Variants in ADRA1A observed in about 807,000 individuals in gnomAD.
The protein encoded by ADRA1A is adrenoceptor alpha 1A, also known as alpha-1A adrenergic receptor.
A neutral mutation model predicts 29.6 loss-of-function variants in ADRA1A; 31 were observed. The observed-to-expected ratio is 1.05, with a 90% CI of 0.79 to 1.41. ADRA1A has a LOEUF of 1.41. ADRA1A is among the 40% of genes most tolerant of loss of function. ADRA1A has a pLI of 0.00. For synonymous variants in ADRA1A, 311 were observed against 254.3 expected, an observed-to-expected ratio of 1.22 and a Z score of -2.12; for missense variants, 619 against 601.1, an observed-to-expected ratio of 1.03 and a Z score of -0.31.
intron 2 of ADRA1A, among the ~76,000 whole-genome samples, chr8:26,845,908 G>A (rs577105739): frequency 3.3e-5 from 5 of 152,234 alleles, no homozygotes; most frequent in Admixed American, 2.6e-4. Flanking sequence ...TGGCTGCCAG[G>A]CACTTGGGGA....
Position 26,815,922 on chromosome 8 carries a change from C to A in ADRA1A, c.884-45256G>T, listed in dbSNP as rs1363834304. Among the ~76,000 whole-genome samples, 1 of 152,064 alleles carries A rather than the reference C, an allele frequency of 6.6e-6. No homozygotes were observed. On this transcript the variant is annotated intron_variant, in intron 2 of 2. Coordinates refer to ENST00000380573, the MANE Select transcript of ADRA1A (RefSeq NM_000680.4). The surrounding 1 kb of genome is among the most constrained non-coding windows in gnomAD (Gnocchi z 4.2). ...GAGAGAAAAGGGAAATGAGACAGGGCAGGATGAGAAGCAAGGGAGGGGGCG... is the reference window on the plus strand; with the variant it reads ...GAGAGAAAAGGGAAATGAGACAGGGAAGGATGAGAAGCAAGGGAGGGGGCG...
At chr8:26,749,670 T>C (rs941976763) in intron 2 of ADRA1A, among the ~76,000 whole-genome samples, 3 of 152,260 alleles carry the variant, frequency 2.0e-5, no homozygotes, top group African/African-American at 7.2e-5. Context: ...TTTCTCTTTG[T>C]ATTTGCTCCT....
chr8:26,770,731 A>G (rs975894657), intron 2 of ADRA1A, 65 bp from the exon 3 acceptor site: 2 of 1,515,348 alleles, frequency 1.3e-6, no homozygotes, highest in Admixed American at 4.3e-5. Context: ...GGCTAGGAAA[A>G]CAATCAAACA....
chr8:26,837,910 A>T (rs925998911), intron 2 of ADRA1A, among the ~76,000 whole-genome samples: 9 of 152,198 alleles, frequency 5.9e-5, no homozygotes, highest in Admixed American at 5.9e-4. Context: ...ACATTACTTT[A>T]GTCTCTACCA....
rs1184401594 is a variant in ADRA1A at position 26,768,957 on chromosome 8, TG to T, written c.*1191del. The stretch of plus-strand genomic sequence containing the variant: ...GAACAAATGGCCTTCTATCAAAAAA[TG>T]TTTGCAAACTCCTGCGTTAGACAGT... On this transcript the variant is annotated 3_prime_UTR_variant, in exon 3 of 3. Coordinates refer to ENST00000380573, the MANE Select transcript of ADRA1A (RefSeq NM_000680.4). The T allele has an allele frequency of 6.1e-6, 6 of 985,336 alleles. No homozygotes were observed. In the African/African-American group the frequency reaches 1.0e-4, roughly 17 times the overall value. The allele number at this position is 985,336 out of a possible 1,614,324, so 61.0% of individuals were successfully genotyped here. A position where few individuals can be genotyped will look rare whatever the true frequency, so the allele number is the denominator to read the frequency against.
chr8:26,787,878 G>A lies in ADRA1A; in HGVS notation c.884-17212C>T, dbSNP rs1289272399. Among the ~76,000 whole-genome samples the A allele has an allele frequency of 1.3e-5, 2 of 151,676 alleles. No homozygotes were observed. The highest frequency in any genetic ancestry group is 2.9e-5 in the Non-Finnish European group (2 of 67,996). On this transcript the variant is annotated intron_variant, in intron 2 of 2. Coordinates refer to ENST00000380573, the MANE Select transcript of ADRA1A (RefSeq NM_000680.4). This position sits in a 1 kb window ranked among gnomAD's most constrained non-coding sequence, Gnocchi z 4.2. Reference sequence around the variant, plus strand: ...TAGCAGCTCTGCATCTACTTTCAGGGTATCTTCTCAGTCATTAGTGCTATC... The same window carrying A: ...TAGCAGCTCTGCATCTACTTTCAGGATATCTTCTCAGTCATTAGTGCTATC...
rs1201332911 is a variant in ADRA1A at position 26,775,359 on chromosome 8, C to T, written c.884-4693G>A. On this transcript the variant is annotated intron_variant, in intron 2 of 2. Transcript: ENST00000380573. The surrounding 1 kb of genome is among the most constrained non-coding windows in gnomAD (Gnocchi z 4.1). ...GCTGTCTCATTCTTCTTTTTTTTGC[C>T]CACCATTTCAGTTCAGTCATTTGGT... Among the ~76,000 whole-genome samples the T allele has an allele frequency of 6.6e-6, 1 of 152,002 alleles. No individual in the cohort carries two copies. The highest frequency in any genetic ancestry group is 1.5e-5 in the Non-Finnish European group (1 of 68,000).
chr8:26,837,503 T>C (rs1345943037), intron 2 of ADRA1A, among the ~76,000 whole-genome samples: 1 of 152,070 alleles, frequency 6.6e-6, no homozygotes, highest in Non-Finnish European at 1.5e-5. Flanking sequence ...ACACAAAAAT[T>C]AGCCAGGTAT....
At chr8:26,859,557 G>A (rs1813294657) in intron 2 of ADRA1A, among the ~76,000 whole-genome samples, 1 of 152,130 alleles carries the variant, frequency 6.6e-6, no homozygotes, top group South Asian at 2.1e-4. Flanking sequence ...AGGGCACTGT[G>A]TTTTATTCAT....
At chr8:26,795,293 G>A (rs971826114) in intron 2 of ADRA1A, among the ~76,000 whole-genome samples, 4 of 152,034 alleles carry the variant, frequency 2.6e-5, no homozygotes, top group South Asian at 4.1e-4. Flanking sequence ...TGTGAGACTC[G>A]ATAAGCATTC....
chr8:26,765,960 C>CTTGTGAAAAGAAA (rs3839867), downstream of ADRA1A: 726,119 of 1,550,278 alleles, frequency 0.47, 179,343 homozygotes, highest in East Asian at 0.89. Context: ...CCAGTTTTCA[C>CTTGTGAAAAGAAA]TTAGGAACAA....
chr8:26,766,034 C>T (rs1805759430), downstream of ADRA1A: 5 of 1,613,258 alleles, frequency 3.1e-6, no homozygotes, highest in Middle Eastern at 1.6e-4. Context: ...CTGCCTAGGT[C>T]TCCAGCTACC....
rs763055494 is a variant in ADRA1A, at chr8:26,864,315, T to G, written c.655A>C (p.Lys219Gln). The change falls in exon 2 of 3, where the codon AAG becomes CAG. Residue 219 changes from lysine to glutamine, a missense_variant. Physicochemically the swap from Lys to Gln is moderately conservative, Grantham distance 53. Coordinates refer to ENST00000380573, the MANE Select transcript of ADRA1A (RefSeq NM_000680.4). This position sits in a 1 kb window ranked among gnomAD's most constrained non-coding sequence, Gnocchi z 8.1. ...VVAKRESRGL[K>Q]SGLKTDKSDS... ...GACTTGTCGGTCTTGAGGCCAGACTTGAGGCCCCGGCTCTCCCTCTTGGCC... is the reference window on the plus strand; with the variant it reads ...GACTTGTCGGTCTTGAGGCCAGACTGGAGGCCCCGGCTCTCCCTCTTGGCC... 5.6e-6 allele frequency: 9 copies of G among 1,613,956 alleles called. No homozygotes were observed. The highest frequency in any genetic ancestry group is 7.6e-6 in the Non-Finnish European group (9 of 1,180,006).
downstream of ADRA1A, among the ~76,000 whole-genome samples, chr8:26,764,946 G>A (rs1034767621): frequency 6.6e-6 from 1 of 152,200 alleles, no homozygotes. Flanking sequence ...AGTTTATAAC[G>A]TGGCTGCACT....
Position 26,805,973 on chromosome 8 carries a change from C to T in ADRA1A, c.884-35307G>A, listed in dbSNP as rs1248434743. 1.3e-5 allele frequency among the ~76,000 whole-genome samples: 2 copies of T among 152,196 alleles called. No homozygotes were observed. The highest frequency in any genetic ancestry group is 2.9e-5 in the Non-Finnish European group (2 of 68,040). On this transcript the variant is annotated intron_variant, in intron 2 of 2. Coordinates refer to ENST00000380573, the MANE Select transcript of ADRA1A (RefSeq NM_000680.4). This position sits in a 1 kb window ranked among gnomAD's most constrained non-coding sequence, Gnocchi z 4.8. ...GGTGCAGGCCCCCTCCACACCCACT[C>T]TGGAAAGCTGAGGGTTGTGGCTGGT...
At position 26,770,206 on chromosome 8, in the gene ADRA1A, T is replaced by A. The variant is rs771818468; in HGVS notation, c.1344A>T (p.Gln448His). Residue 448 changes from glutamine (Q) to histidine (H), a missense_variant, in exon 3 of 3, where the codon CAA becomes CAT. Physicochemically the swap from Gln to His is conservative, Grantham distance 24. Coordinates refer to ENST00000380573, the MANE Select transcript of ADRA1A (RefSeq NM_000680.4). ...PSTPSLDKNH[Q>H]VPTIKVHTIS... ...TGGTGTGGACCTTAATGGTTGGAAC[T>A]TGATGGTTCTTGTCAAGGCTGGGGG... 9.4e-6 allele frequency: 15 copies of A among 1,600,884 alleles called. No individual in the cohort carries two copies. Among genetic ancestry groups the A allele is most frequent in the Non-Finnish European group, 1.3e-5 (15 of 1,172,890 alleles).
chr8:26,778,311 A>G (rs1005421910), intron 2 of ADRA1A, among the ~76,000 whole-genome samples: 5 of 152,138 alleles, frequency 3.3e-5, no homozygotes, highest in African/African-American at 9.7e-5. Flanking sequence ...TTGATTTGAA[A>G]CACTCTCAGA....
chr8:26,822,370 T>A (rs759923800), intron 2 of ADRA1A, among the ~76,000 whole-genome samples: 3 of 152,222 alleles, frequency 2.0e-5, no homozygotes. Context: ...TACAAACAAG[T>A]TCTTAGCATG....
chr8:26,786,237 T>G (rs934413742), intron 2 of ADRA1A, among the ~76,000 whole-genome samples: 1 of 119,906 alleles, frequency 8.3e-6, no homozygotes, highest in Non-Finnish European at 1.6e-5. Context: ...TTTTTATTTT[T>G]AAATTTTTTT....
Sources: gnomAD v4.1 joint callset for allele counts (sites outside exome capture counted in the v4.1 genomes callset) on GRCh38, gnomAD v4.1.1 for gene constraint, Gnocchi (gnomAD v3.1) non-coding constraint, MANE v1.5 for transcripts, NCBI Gene and HGNC (gene_info 2026-07-23, HGNC 2026-07-21) for gene names.